GPM6A: variants seen among roughly 807,000 people sequenced by gnomAD.
GPM6A encodes neuronal membrane glycoprotein M6-a.
Under a neutral mutation model 32.1 loss-of-function variants are expected in GPM6A, and 7 were observed. The ratio of observed to expected loss-of-function variants is 0.22; its 90% confidence interval spans 0.12 to 0.41. The LOEUF (loss-of-function observed/expected upper bound fraction) is 0.41, where lower values mean the gene tolerates loss of function less well. Ranked by LOEUF, GPM6A falls within the 10% of genes least tolerant of loss-of-function variation. The pLI is 1.00. For synonymous variants in GPM6A, 130 were observed against 123.4 expected (o/e 1.05, Z -0.35); for missense variants, 235 against 347.2 (o/e 0.68, Z 2.57).
At chr4:175,767,774 T>C (rs1733031357) in intron 1 of GPM6A, among the ~76,000 whole-genome samples, 1 of 152,198 alleles carries the variant, frequency 6.6e-6, no homozygotes, top group Admixed American at 6.5e-5. Flanking sequence ...AGACACAGGA[T>C]TGTCACCCAT....
chr4:175,736,703 A>G (rs1337501749), intron 1 of GPM6A, among the ~76,000 whole-genome samples: 2 of 152,226 alleles, frequency 1.3e-5, no homozygotes, highest in Admixed American at 1.3e-4. Flanking sequence ...TCTCTTTAAA[A>G]GATAGTTATT....
chr4:175,871,072 G>A (rs1736890726), intron 1 of GPM6A, among the ~76,000 whole-genome samples: 1 of 151,900 alleles, frequency 6.6e-6, no homozygotes, highest in Admixed American at 6.6e-5. Flanking sequence ...TTGTATGCTA[G>A]AGTATTCTGG....
In GPM6A at chr4:175,777,533, A is replaced by G. The variant is rs189323648; in HGVS notation, c.37+34658T>C. ...ATTCTCTTCTTTATTAACTTAGTAA[A>G]AAAAAGATAAAAATATTCTCTACAA... On this transcript the variant is annotated intron_variant, in intron 1 of 6. Transcript: ENST00000393658. 8.6e-3 allele frequency among the ~76,000 whole-genome samples: 1,303 copies of G among 152,196 alleles called. 10 individuals are homozygous for G. Among genetic ancestry groups the G allele is most frequent in the Non-Finnish European group, 0.014 (962 of 67,964 alleles).
chr4:175,909,052 G>GC (rs1579617697), intron 1 of GPM6A, among the ~76,000 whole-genome samples: 2 of 78,152 alleles, frequency 2.6e-5, no homozygotes, highest in East Asian at 8.4e-4. Flanking sequence ...CGGGGGGGGG[G>GC]CAACTAGCTC....
At position 175,942,903 on chromosome 4, in the gene GPM6A, T is replaced by C. The variant is rs1739461447; in HGVS notation, c.-23+59406A>G. On this transcript the variant is annotated intron_variant, in intron 1 of 7. Transcript: ENST00000280187. ...TATGAAATTTAAAGTAGTTTTTTTT[T>C]CTAATTCTGTGAAGAAAGTTAATGG... 1.3e-5 allele frequency among the ~76,000 whole-genome samples: 2 copies of C among 152,274 alleles called. 1 individual carries two copies. Among genetic ancestry groups the C allele is most frequent in the South Asian group, 4.1e-4 (2 of 4,826 alleles).
intron 1 of GPM6A, among the ~76,000 whole-genome samples, chr4:175,909,721 G>C (rs1738252696): frequency 6.6e-6 from 1 of 152,072 alleles, no homozygotes; most frequent in African/African-American, 2.4e-5. Flanking sequence ...TCAAGAAAAA[G>C]GTACAGTCCA....
At position 175,876,871 on chromosome 4, in the gene GPM6A, C is replaced by T. The variant is rs530673861; in HGVS notation, c.-22-64622G>A. 1.6e-4 allele frequency among the ~76,000 whole-genome samples: 24 copies of T among 152,190 alleles called. No individual in the cohort carries two copies. In the South Asian group the frequency reaches 5.0e-3, roughly 32 times the overall value. The stretch of plus-strand genomic sequence containing the variant: ...GGTTCTCTGTATTGAGGCTAGAAAA[C>T]ACAAAGGCCAGAAACAACAAGATTA... On this transcript the variant is annotated intron_variant, in intron 1 of 7. Transcript: ENST00000280187.
intron 2 of GPM6A, among the ~76,000 whole-genome samples, chr4:175,676,141 T>C (rs1743354215): frequency 1.3e-5 from 2 of 152,118 alleles, no homozygotes; most frequent in Non-Finnish European, 2.9e-5. Flanking sequence ...CGTGTTTGCT[T>C]CCCCTTCCAC....
intron 1 of GPM6A, among the ~76,000 whole-genome samples, chr4:175,751,456 C>G (rs1732333268): frequency 6.6e-6 from 1 of 152,102 alleles, no homozygotes; most frequent in African/African-American, 2.4e-5. Context: ...GATAATTTAA[C>G]TGTATAAACT....
intron 1 of GPM6A, among the ~76,000 whole-genome samples, chr4:175,836,853 A>G (rs1735784480): frequency 6.6e-6 from 1 of 152,192 alleles, no homozygotes; most frequent in Admixed American, 6.5e-5. Flanking sequence ...AAGGAGTGAC[A>G]TGATGTTATC....
intron 1 of GPM6A, among the ~76,000 whole-genome samples, chr4:175,953,744 AC>A (rs1349955763): frequency 6.6e-6 from 1 of 152,072 alleles, no homozygotes; most frequent in African/African-American, 2.4e-5. Context: ...TACTAAAAAT[AC>A]AAAATTAGTC....
chr4:175,955,456 C>A (rs1272742356), intron 1 of GPM6A, among the ~76,000 whole-genome samples: 1 of 152,162 alleles, frequency 6.6e-6, no homozygotes, highest in African/African-American at 2.4e-5. Flanking sequence ...TTTAGTAGGA[C>A]TGGAACAAGC....
At chr4:175,744,024 A>G (rs573014940) in intron 1 of GPM6A, among the ~76,000 whole-genome samples, 3 of 152,118 alleles carry the variant, frequency 2.0e-5, no homozygotes, top group South Asian at 4.1e-4. Context: ...TAACAAACTG[A>G]CCAAATTGAC....
At chr4:175,773,692 A>G (rs1733282182) in intron 1 of GPM6A, among the ~76,000 whole-genome samples, 1 of 152,106 alleles carries the variant, frequency 6.6e-6, no homozygotes. Context: ...GGGGAGAGAA[A>G]AGGATTGGCT....
At chr4:175,757,442 G>A (rs1210383069) in intron 1 of GPM6A, among the ~76,000 whole-genome samples, 1 of 152,066 alleles carries the variant, frequency 6.6e-6, no homozygotes, top group Non-Finnish European at 1.5e-5. Context: ...CACAGTAATC[G>A]TGGGATATAA....
At chr4:175,841,891 G>C (rs188801832) in intron 1 of GPM6A, among the ~76,000 whole-genome samples, 3 of 152,160 alleles carry the variant, frequency 2.0e-5, no homozygotes, top group East Asian at 1.9e-4. Context: ...GAGTTTTCTA[G>C]TTTCCATAGC....
intron 3 of GPM6A, among the ~76,000 whole-genome samples, chr4:175,667,456 TAAG>T (rs1333982620): frequency 6.6e-6 from 1 of 152,102 alleles, no homozygotes; most frequent in African/African-American, 2.4e-5. Context: ...CTTAGTAGTC[TAAG>T]GAGGGACAAT....
intron 3 of GPM6A, among the ~76,000 whole-genome samples, chr4:175,671,578 A>G (rs1239476755): frequency 6.8e-6 from 1 of 146,748 alleles, no homozygotes; most frequent in East Asian, 2.1e-4. Context: ...CCTCGATTTC[A>G]TGGAGCTACA....
rs11133109 is a variant in GPM6A at position 175,651,224 on chromosome 4, A to T, written c.541+610T>A. Reference sequence around the variant, plus strand: ...ATGGCCTACTATATAGAGTCATGAGAAGTAAACAATGTGACACATGTGAAA... The same window carrying T: ...ATGGCCTACTATATAGAGTCATGAGTAGTAAACAATGTGACACATGTGAAA... On this transcript the variant is annotated intron_variant, in intron 4 of 6. Coordinates refer to ENST00000393658, the MANE Select transcript of GPM6A (RefSeq NM_201591.3). Among the ~76,000 whole-genome samples the T allele has an allele frequency of 7.3e-3, 1,116 of 152,144 alleles. 13 individuals carry two copies. Among genetic ancestry groups the T allele is most frequent in the African/African-American group, 0.025 (1,050 of 41,512 alleles).
Sources: allele counts gnomAD v4.1 joint callset (sites outside exome capture counted in the v4.1 genomes callset), GRCh38; gene constraint gnomAD v4.1.1; transcripts MANE v1.5; gene names NCBI Gene and HGNC (gene_info 2026-07-23, HGNC 2026-07-21).